PTPDC1: variants seen among roughly 807,000 people sequenced by gnomAD.
PTPDC1 encodes protein tyrosine phosphatase domain-containing protein 1.
Under a neutral mutation model 75.3 loss-of-function variants are expected in PTPDC1, and 53 were observed. The observed-to-expected ratio is 0.70, with a 90% CI of 0.56 to 0.88. The LOEUF (loss-of-function observed/expected upper bound fraction) is 0.88. PTPDC1 is among the 40% of genes least tolerant of loss of function. PTPDC1 has a pLI of 0.00. For missense variants in PTPDC1, 925 were observed against 998.6 expected (o/e 0.93, Z 0.99); for synonymous variants, 349 against 366.2 (o/e 0.95, Z 0.54).
chr9:94,068,048 A>G (rs1026670830), intron 2 of PTPDC1, among the ~76,000 whole-genome samples: 1 of 152,150 alleles, frequency 6.6e-6, no homozygotes, highest in Non-Finnish European at 1.5e-5. Flanking sequence ...ATAAATTGGT[A>G]GATAGATGTA....
At chr9:94,045,433 T>G (rs1246002475) in intron 1 of PTPDC1, among the ~76,000 whole-genome samples, 3 of 152,192 alleles carry the variant, frequency 2.0e-5, no homozygotes, top group African/African-American at 4.8e-5. Context: ...ACTTCCACAA[T>G]GGTTGAACTA....
intron 1 of PTPDC1, among the ~76,000 whole-genome samples, chr9:94,054,695 T>A (rs1825882933): frequency 6.6e-6 from 1 of 152,214 alleles, no homozygotes; most frequent in African/African-American, 2.4e-5. Flanking sequence ...GGACCGAGTT[T>A]CTACACTAGA....
intron 2 of PTPDC1, among the ~76,000 whole-genome samples, chr9:94,068,371 C>T (rs1826391114): frequency 6.6e-6 from 1 of 152,088 alleles, no homozygotes; most frequent in Non-Finnish European, 1.5e-5. Context: ...ACCTTTATGA[C>T]CTTAACATTT....
chr9:94,101,661 A>C lies in PTPDC1; in HGVS notation c.2109A>C (p.Gln703His). The change falls in exon 7 of 9, where the codon CAA becomes CAC. Residue 703 changes from glutamine to histidine, a missense_variant. Transcript: ENST00000620992. ...GCTTGATGTGGTCTTGGGTGGAGCA[A>C]CTGAAGGAGCCTGTAATCACCAAAG... ...LCSLMWSWVE[Q>H]LKEPVITKED... is the part of the protein sequence containing the mutation. 6.2e-7 allele frequency: 1 copy of C among 1,614,074 alleles called. No homozygotes were observed. Among genetic ancestry groups the C allele is most frequent in the Non-Finnish European group, 8.5e-7 (1 of 1,179,950 alleles).
intron 1 of PTPDC1, among the ~76,000 whole-genome samples, chr9:94,032,242 A>T (rs1014784264): frequency 2.6e-5 from 4 of 152,274 alleles, no homozygotes; most frequent in African/African-American, 9.6e-5. Flanking sequence ...GTGGCTTTTT[A>T]AAAATGCAAA....
At position 94,105,250 on chromosome 9, in the gene PTPDC1, G is replaced by C. The variant is rs549764239; in HGVS notation, c.2310+865G>C. Among the ~76,000 whole-genome samples the C allele has an allele frequency of 2.4e-4, 36 of 152,222 alleles. No individual in the cohort carries two copies. The South Asian group carries it at 7.5e-3, about 32-fold the overall frequency. On this transcript the variant is annotated intron_variant, in intron 8 of 8. Transcript: ENST00000620992. ...CTAACCACTGACATCTTTTCAATCT[G>C]TTCTCCACTGTTTCCAGAGTCAGTA... is the stretch of plus-strand genomic sequence containing the variant.
rs188158246 is a variant in PTPDC1 at position 94,061,521 on chromosome 9, C to T, written c.-6-3213C>T. 4.1e-3 allele frequency among the ~76,000 whole-genome samples: 619 copies of T among 152,362 alleles called. 4 individuals are homozygous for T. The highest frequency in any genetic ancestry group is 0.014 in the African/African-American group (563 of 41,582). ...CTGGTAGCAGTTCTCCATGAGGGCTCTGCCCCTGCAGCAGGCTTCGGCCTG... is the reference window on the plus strand; with the variant it reads ...CTGGTAGCAGTTCTCCATGAGGGCTTTGCCCCTGCAGCAGGCTTCGGCCTG... On this transcript the variant is annotated intron_variant, in intron 1 of 9. Coordinates refer to the PTPDC1 transcript ENST00000375360.
intron 7 of PTPDC1, among the ~76,000 whole-genome samples, chr9:94,102,583 T>G (rs187611939): frequency 6.6e-6 from 1 of 152,244 alleles, no homozygotes; most frequent in Admixed American, 6.5e-5. Flanking sequence ...TTGTTTTTGT[T>G]TGTTTCTTTT....
intron 4 of PTPDC1, among the ~76,000 whole-genome samples, chr9:94,089,118 G>A (rs1179774460): frequency 7.3e-6 from 1 of 136,358 alleles, no homozygotes; most frequent in Non-Finnish European, 1.6e-5. Flanking sequence ...TAGGGTACAT[G>A]TGCACATTGT....
intron 7 of PTPDC1, 75 bp downstream of exon 7, chr9:94,101,826 T>C (rs550728973): frequency 4.8e-5 from 42 of 868,700 alleles, no homozygotes; most frequent in Admixed American, 4.8e-4. Context: ...AAAAATCCAT[T>C]ATAAAAAAAG....
intron 1 of PTPDC1, among the ~76,000 whole-genome samples, chr9:94,060,981 G>A (rs1445822189): frequency 2.0e-5 from 3 of 152,108 alleles, no homozygotes; most frequent in African/African-American, 7.2e-5. Context: ...TACCCCCAAA[G>A]TCTTTACTCA....
intron 1 of PTPDC1, among the ~76,000 whole-genome samples, chr9:94,048,355 T>G (rs1181484161): frequency 1.3e-5 from 2 of 152,212 alleles, no homozygotes; most frequent in African/African-American, 2.4e-5. Flanking sequence ...GCTATAAATT[T>G]CCCTCTATAC....
At chr9:94,043,551 CT>C (rs1354614209) in intron 1 of PTPDC1, among the ~76,000 whole-genome samples, 2 of 152,244 alleles carry the variant, frequency 1.3e-5, no homozygotes, top group East Asian at 1.9e-4. Context: ...GACTCCCCCC[CT>C]CTACAAAAAA....
chr9:94,059,277 T>A (rs879431747), intron 1 of PTPDC1, among the ~76,000 whole-genome samples: 3 of 152,200 alleles, frequency 2.0e-5, no homozygotes, highest in African/African-American at 4.8e-5. Context: ...AGACAAAGCT[T>A]GAGGAAATTA....
chr9:94,081,701 C>A (rs1826888359), upstream of PTPDC1, among the ~76,000 whole-genome samples: 1 of 151,964 alleles, frequency 6.6e-6, no homozygotes, highest in Admixed American at 6.5e-5. Flanking sequence ...AAGGATGAGA[C>A]CTGTGACACG....
chr9:94,098,325 G>A lies in PTPDC1; in HGVS notation c.1759G>A (p.Gly587Arg). The A allele has an allele frequency of 6.2e-7, 1 of 1,614,186 alleles. No individual in the cohort carries two copies. The highest frequency in any genetic ancestry group is 2.2e-5 in the East Asian group (1 of 44,876). Reference protein sequence around the residue: ...SHCQCKTHGVGSPGSVRQNSR... With the variant: ...SHCQCKTHGVRSPGSVRQNSR... The stretch of plus-strand genomic sequence containing the variant: ...CTGTCAGTGTAAAACTCATGGTGTT[G>A]GGAGCCCTGGCTCTGTCAGGCAGAA... The change falls in exon 6 of 9, where the codon GGG (glycine) becomes AGG (arginine). Residue 587 changes from glycine (G) to arginine (R), a missense_variant. Coordinates refer to ENST00000620992, the MANE Select transcript of PTPDC1 (RefSeq NM_001253829.2).
intron 3 of PTPDC1, 69 bp from the exon 4 acceptor site, chr9:94,088,076 A>G: frequency 6.4e-7 from 1 of 1,566,668 alleles, no homozygotes; most frequent in East Asian, 2.2e-5. Context: ...ATGTTGATTA[A>G]TACCAAAAAT....
At chr9:94,072,552 C>T (rs1403698906) in intron 2 of PTPDC1, among the ~76,000 whole-genome samples, 3 of 151,706 alleles carry the variant, frequency 2.0e-5, no homozygotes, top group Non-Finnish European at 4.4e-5. Context: ...TCATAGTAGC[C>T]TAAAACTTCT....
intron 2 of PTPDC1, among the ~76,000 whole-genome samples, chr9:94,085,857 A>C (rs1237139158): frequency 6.6e-6 from 1 of 152,180 alleles, no homozygotes; most frequent in Non-Finnish European, 1.5e-5. Context: ...TTTTCATACA[A>C]ATACCCTTCA....
Sources: allele counts gnomAD v4.1 joint callset (sites outside exome capture counted in the v4.1 genomes callset), GRCh38; gene constraint gnomAD v4.1.1; transcripts MANE v1.5; gene names NCBI Gene and HGNC (gene_info 2026-07-23, HGNC 2026-07-21).